Variants in DNAH7 observed in about 807,000 individuals in gnomAD.
DNAH7 encodes axonemal beta dynein heavy chain 7.
A neutral mutation model predicts 444.6 loss-of-function variants in DNAH7; 397 were observed. The observed-to-expected ratio is 0.89, with a 90% CI of 0.82 to 0.97. DNAH7 has a LOEUF of 0.97. Ranked by LOEUF, DNAH7 falls within the 50% of genes least tolerant of loss-of-function variation. The pLI is 0.00. For synonymous variants in DNAH7, 1,636 were observed against 1,624.4 expected (o/e 1.01, Z -0.17); for missense variants, 4,902 against 4,800.8 (o/e 1.02, Z -0.62).
Position 196,041,813 on chromosome 2 carries a change from AG to A in DNAH7, c.398+5538del, listed in dbSNP as rs1257311987. On this transcript the variant is annotated intron_variant, in intron 5 of 64. Coordinates refer to ENST00000312428, the MANE Select transcript of DNAH7 (RefSeq NM_018897.3). The stretch of plus-strand genomic sequence containing the variant: ...GCAAACTATCCATAGACAAGGGATA[AG>A]GGATTAATAACCAGAATATATAAGG... 4.6e-5 allele frequency among the ~76,000 whole-genome samples: 7 copies of A among 152,186 alleles called. No homozygotes were observed. The East Asian group carries it at 1.3e-3, about 29-fold the overall frequency.
intron 12 of DNAH7, among the ~76,000 whole-genome samples, chr2:195,990,806 T>C (rs1026347685): frequency 1.4e-5 from 2 of 145,300 alleles, no homozygotes; most frequent in South Asian, 2.1e-4. Flanking sequence ...TGTGTGTGTG[T>C]GTGTGTATAT....
intron 61 of DNAH7, among the ~76,000 whole-genome samples, chr2:195,759,310 C>A (rs560213078): frequency 6.6e-5 from 10 of 152,070 alleles, no homozygotes; most frequent in Non-Finnish European, 1.3e-4. Context: ...GGAACCTGCA[C>A]TCTTGAAGGG....
rs186738601 is a variant in DNAH7, at chr2:196,024,456, G to A, written c.716C>T (p.Thr239Ile). Residue 239 changes from threonine (T) to isoleucine (I), a missense_variant, in exon 8 of 65, where the codon ACA becomes ATA. Coordinates refer to ENST00000312428, the MANE Select transcript of DNAH7 (RefSeq NM_018897.3). ...DPREKGDDKK[T>I]DELPAHRAEM... The stretch of plus-strand genomic sequence containing the variant: ...AGCACGATGGGCTGGAAGTTCATCT[G>A]TCTTCTTATCATCTCCTTTCTCTCG... The A allele has an allele frequency of 1.3e-3, 2,057 of 1,584,886 alleles. 3 individuals carry two copies. Among genetic ancestry groups the A allele is most frequent in the Non-Finnish European group, 1.3e-3 (1,562 of 1,168,316 alleles).
intron 5 of DNAH7, among the ~76,000 whole-genome samples, chr2:196,033,700 A>T (rs1696205030): frequency 6.6e-6 from 1 of 152,178 alleles, no homozygotes; most frequent in East Asian, 1.9e-4. Flanking sequence ...GCTGATGGAC[A>T]GTCAGGTTGA....
chr2:195,927,435 G>T (rs1688405996), intron 21 of DNAH7, among the ~76,000 whole-genome samples: 1 of 151,978 alleles, frequency 6.6e-6, no homozygotes, highest in Non-Finnish European at 1.5e-5. Flanking sequence ...TGATATTAAA[G>T]ACATTTTTAA....
intron 54 of DNAH7, among the ~76,000 whole-genome samples, chr2:195,805,251 G>A (rs75795021): frequency 0.02 from 2,987 of 151,934 alleles, 48 homozygotes; most frequent in Non-Finnish European, 0.03. Context: ...TATAAAACAC[G>A]AACTTTTTTT....
At chr2:195,929,977 A>AC (rs1688582694) in intron 21 of DNAH7, among the ~76,000 whole-genome samples, 1 of 152,246 alleles carries the variant, frequency 6.6e-6, no homozygotes, top group Admixed American at 6.5e-5. Flanking sequence ...TATGTATCTG[A>AC]CCAAGGTCTA....
In DNAH7 at chr2:195,754,606, GCTCAGGTGATC is replaced by G. The variant is rs200531522; in HGVS notation, c.11587-103_11587-93del. 5.6e-3 allele frequency: 7,305 copies of G among 1,297,356 alleles called. 52 individuals carry two copies. Among genetic ancestry groups the G allele is most frequent in the South Asian group, 0.012 (800 of 65,266 alleles). The allele number at this position is 1,297,356 out of a possible 1,614,324, so 80.4% of individuals were successfully genotyped here. ...CAGGATCTCTGGTTGCCCAGGCAGG[GCTCAGGTGATC>G]CTCTCACCTCAGCCTCCCAAGTAGC... On this transcript the variant is annotated intron_variant, in intron 62 of 64. Transcript: ENST00000312428.
chr2:196,056,210 C>T (rs1295730887), intron 2 of DNAH7, among the ~76,000 whole-genome samples: 3 of 151,838 alleles, frequency 2.0e-5, no homozygotes, highest in African/African-American at 4.8e-5. Flanking sequence ...TTTGGGAGGC[C>T]GAGGCGGGCG....
intron 28 of DNAH7, among the ~76,000 whole-genome samples, chr2:195,899,938 T>C (rs1686595990): frequency 6.6e-6 from 1 of 152,188 alleles, no homozygotes; most frequent in South Asian, 2.1e-4. Context: ...ATTTAGAATC[T>C]TTTGTGTATA....
At chr2:195,790,446 A>G (rs1695825771) in intron 57 of DNAH7, among the ~76,000 whole-genome samples, 1 of 151,728 alleles carries the variant, frequency 6.6e-6, no homozygotes, top group Middle Eastern at 3.4e-3. Flanking sequence ...TACAGTAACC[A>G]AAACAGCATG....
chr2:195,986,562 C>G (rs574270929), intron 14 of DNAH7, among the ~76,000 whole-genome samples: 1 of 152,258 alleles, frequency 6.6e-6, no homozygotes, highest in African/African-American at 2.4e-5. Flanking sequence ...GCTTTATACA[C>G]TAGTATTCTG....
At chr2:195,840,715 A>G (rs1179877439) in intron 47 of DNAH7, among the ~76,000 whole-genome samples, 4 of 151,864 alleles carry the variant, frequency 2.6e-5, no homozygotes, top group African/African-American at 9.7e-5. Flanking sequence ...AGTTGAACAC[A>G]ATCTTTTAAG....
chr2:196,055,683 G>A (rs1258098769), intron 2 of DNAH7, among the ~76,000 whole-genome samples: 2 of 152,232 alleles, frequency 1.3e-5, no homozygotes, highest in Non-Finnish European at 2.9e-5. Flanking sequence ...AGTTATAGAT[G>A]ACAGAGAGGA....
rs772180018 is a variant in DNAH7 at position 195,960,585 on chromosome 2, C to T, written c.2566G>A (p.Ala856Thr). 1 of 1,614,202 alleles carries T rather than the reference C, an allele frequency of 6.2e-7. No homozygotes were observed. The highest frequency in any genetic ancestry group is 1.1e-5 in the South Asian group (1 of 91,080). Residue 856 changes from alanine (A) to threonine (T), a missense_variant, in exon 18 of 65, where the codon GCC becomes ACC. By Grantham distance (58) the Ala-to-Thr change is moderately conservative. Coordinates refer to ENST00000312428, the MANE Select transcript of DNAH7 (RefSeq NM_018897.3). The part of the protein sequence containing the change: ...NPGLRPRHWE[A>T]MSAIVGYPLQ... ...GGGTAACCAACAATGGCAGACATGG[C>T]CTCCCAGTGCCTGGGGCGCAAACCA...
intron 20 of DNAH7, 23 bp from the exon 21 acceptor site, chr2:195,934,812 G>A (rs749893239): frequency 9.9e-5 from 159 of 1,612,158 alleles, no homozygotes; most frequent in Middle Eastern, 1.6e-4. Context: ...ACATTTTTAA[G>A]ATAATTAACC....
intron 19 of DNAH7, among the ~76,000 whole-genome samples, chr2:195,937,317 T>C (rs927692091): frequency 6.6e-6 from 1 of 152,156 alleles, no homozygotes; most frequent in African/African-American, 2.4e-5. Context: ...ACAATGACCC[T>C]TGAAACTACT....
chr2:195,832,081 G>A (rs925632843), intron 48 of DNAH7, among the ~76,000 whole-genome samples: 3 of 152,140 alleles, frequency 2.0e-5, no homozygotes, highest in Non-Finnish European at 4.4e-5. Context: ...ATGAAATGAT[G>A]CTTACCTTTA....
Position 195,737,868 on chromosome 2 carries a change from TCTCTA to T in DNAH7, c.*48_*52del. On this transcript the variant is annotated 3_prime_UTR_variant, in exon 65 of 65. Transcript: ENST00000312428. ...AAGGTTTAAGTAGTAAAATATGCTT[TCTCTA>T]CTCAGCCAGCCAACAAGAAATAGGA... The T allele has an allele frequency of 2.0e-5, 30 of 1,530,364 alleles. No homozygotes were observed. The highest frequency in any genetic ancestry group is 3.4e-5 in the Admixed American group (2 of 58,214). 94.8% of individuals were successfully genotyped at this position (1,530,364 alleles called of 1,614,324 possible). A position where few individuals can be genotyped will look rare whatever the true frequency, so the allele number is the denominator to read the frequency against.
Sources: gnomAD v4.1 joint callset for allele counts (sites outside exome capture counted in the v4.1 genomes callset) on GRCh38, gnomAD v4.1.1 for gene constraint, MANE v1.5 for transcripts, NCBI Gene and HGNC (gene_info 2026-07-23, HGNC 2026-07-21) for gene names.